Variants in TSHZ1 observed in about 807,000 individuals in gnomAD.
The protein encoded by TSHZ1 is teashirt homolog 1.
A neutral mutation model predicts 67.1 loss-of-function variants in TSHZ1; 12 were observed. The ratio of observed to expected loss-of-function variants is 0.18; its 90% CI spans 0.11 to 0.29. The LOEUF is 0.29. Among genes scored for constraint, TSHZ1 ranks in the 10% least tolerant of loss-of-function variants. The probability of loss-of-function intolerance (pLI) is 1.00; values close to 1 mark genes in which losing one functional copy is unlikely to be tolerated. For missense variants in TSHZ1, 1,305 were observed against 1,413.9 expected (o/e 0.92, Z 1.23); for synonymous variants, 632 against 622.4 (o/e 1.02, Z -0.23).
rs141369230 is a variant in TSHZ1, at chr18:75,233,831, G to A, written c.40+21915G>A. 1.2e-4 allele frequency among the ~76,000 whole-genome samples: 18 copies of A among 152,258 alleles called. No homozygotes were observed. In the East Asian group the frequency reaches 3.5e-3, roughly 29 times the overall value. ...AGCACCTTTTTTCTAGCGAGCATCC[G>A]CACGCCCGGCTTGCACACTGTGGAG... On this transcript the variant is annotated intron_variant, in intron 1 of 1. Coordinates refer to ENST00000580243, the MANE Select transcript of TSHZ1 (RefSeq NM_001308210.2).
At chr18:75,284,421 T>C (rs1011700144) in intron 1 of TSHZ1, 1 of 152,422 alleles carries the variant, frequency 6.6e-6, no homozygotes, top group African/African-American at 2.4e-5. Context: ...ATATTTATAA[T>C]GTATAAGTGA....
intron 1 of TSHZ1, among the ~76,000 whole-genome samples, chr18:75,244,922 G>A (rs959338286): frequency 5.3e-5 from 8 of 152,042 alleles, no homozygotes; most frequent in Non-Finnish European, 1.2e-4. Flanking sequence ...ATATGTGAAC[G>A]TTTGTCTCTT....
At chr18:75,266,242 C>T (rs911575653) in intron 1 of TSHZ1, among the ~76,000 whole-genome samples, 6 of 152,222 alleles carry the variant, frequency 3.9e-5, no homozygotes, top group African/African-American at 1.4e-4. Context: ...GTCAACTCAT[C>T]TGTTCTAGAG....
intron 1 of TSHZ1, among the ~76,000 whole-genome samples, chr18:75,224,153 C>T (rs538855299): frequency 2.0e-5 from 3 of 149,492 alleles, no homozygotes; most frequent in Admixed American, 6.7e-5. Flanking sequence ...CTTATTGGAA[C>T]GCTTTCATGT....
At chr18:75,284,978 G>A (rs2023732550) in intron 1 of TSHZ1, 1 of 152,916 alleles carries the variant, frequency 6.5e-6, no homozygotes, top group Non-Finnish European at 1.5e-5. Flanking sequence ...ATTGAGGAGT[G>A]TTTTTACTTA....
intron 1 of TSHZ1, among the ~76,000 whole-genome samples, chr18:75,259,251 C>G (rs2023400791): frequency 6.6e-6 from 1 of 152,204 alleles, no homozygotes. Flanking sequence ...GCAGACTCTC[C>G]AAGGTGTGGC....
At chr18:75,258,239 T>C (rs952635805) in intron 1 of TSHZ1, among the ~76,000 whole-genome samples, 4 of 152,232 alleles carry the variant, frequency 2.6e-5, no homozygotes, top group Admixed American at 1.3e-4. Flanking sequence ...TGGTACCCAC[T>C]GTCAGGGTGC....
At chr18:75,275,521 G>A (rs1487142717) in intron 1 of TSHZ1, among the ~76,000 whole-genome samples, 1 of 152,128 alleles carries the variant, frequency 6.6e-6, no homozygotes, top group Non-Finnish European at 1.5e-5. Context: ...CATTTGAAGA[G>A]GTATGCCATG....
chr18:75,253,592 G>C (rs955593514), intron 1 of TSHZ1, among the ~76,000 whole-genome samples: 4 of 152,330 alleles, frequency 2.6e-5, no homozygotes, highest in East Asian at 1.9e-4. Context: ...ATTTACCCTG[G>C]AAAAGGAAAC....
intron 1 of TSHZ1, among the ~76,000 whole-genome samples, chr18:75,244,878 G>A (rs2023203577): frequency 6.6e-6 from 1 of 152,112 alleles, no homozygotes; most frequent in Admixed American, 6.5e-5. Context: ...CCGTTTGACC[G>A]AATTCCTTTC....
intron 1 of TSHZ1, among the ~76,000 whole-genome samples, chr18:75,262,257 G>A (rs1568363144): frequency 6.6e-6 from 1 of 152,160 alleles, no homozygotes; most frequent in African/African-American, 2.4e-5. Context: ...TTCCCCTTTA[G>A]TGATACTATA....
intron 1 of TSHZ1, among the ~76,000 whole-genome samples, chr18:75,225,810 A>G (rs965212857): frequency 3.9e-5 from 6 of 152,088 alleles, no homozygotes; most frequent in Non-Finnish European, 8.8e-5. Flanking sequence ...ACATTTTTTG[A>G]GAGTAGCTTC....
At chr18:75,276,638 C>G (rs1430237330) in intron 1 of TSHZ1, among the ~76,000 whole-genome samples, 1 of 152,182 alleles carries the variant, frequency 6.6e-6, no homozygotes, top group African/African-American at 2.4e-5. Flanking sequence ...GGGGAGGCCC[C>G]TTTTGTGAAT....
At chr18:75,244,336 C>T (rs1383148652) in intron 1 of TSHZ1, among the ~76,000 whole-genome samples, 1 of 152,212 alleles carries the variant, frequency 6.6e-6, no homozygotes, top group Non-Finnish European at 1.5e-5. Flanking sequence ...CGATGGTTTC[C>T]GGTTCATTCT....
At position 75,278,585 on chromosome 18, in the gene TSHZ1, G is replaced by T. The variant is rs558221264; in HGVS notation, c.41-6863G>T. 2.0e-5 allele frequency among the ~76,000 whole-genome samples: 3 copies of T among 152,210 alleles called. No individual in the cohort carries two copies. The South Asian group carries it at 6.2e-4, about 32-fold the overall frequency. ...GTACGGGCCCTTGTTGGGGGCCTGT[G>T]GGGGCAGAAGAACCAGAAGACTCAG... On this transcript the variant is annotated intron_variant, in intron 1 of 1. Coordinates refer to ENST00000580243, the MANE Select transcript of TSHZ1 (RefSeq NM_001308210.2).
chr18:75,232,605 T>C (rs1419726019), intron 1 of TSHZ1, among the ~76,000 whole-genome samples: 1 of 152,198 alleles, frequency 6.6e-6, no homozygotes, highest in Non-Finnish European at 1.5e-5. Context: ...AAAGAGAGTT[T>C]TCTGATCTAG....
intron 1 of TSHZ1, among the ~76,000 whole-genome samples, chr18:75,241,863 T>A (rs1458163220): frequency 2.0e-5 from 3 of 150,228 alleles, no homozygotes; most frequent in Non-Finnish European, 4.4e-5. Context: ...TTGTGGTGCA[T>A]CACACCAGTC....
intron 1 of TSHZ1, among the ~76,000 whole-genome samples, chr18:75,234,490 A>G (rs540022524): frequency 1.3e-5 from 2 of 152,332 alleles, no homozygotes; most frequent in South Asian, 4.1e-4. Flanking sequence ...CCAAAATCTA[A>G]TAAGTCATAA....
At chr18:75,226,866 C>A (rs1349182073) in intron 1 of TSHZ1, among the ~76,000 whole-genome samples, 1 of 152,184 alleles carries the variant, frequency 6.6e-6, no homozygotes, top group East Asian at 1.9e-4. Context: ...ATGTTTCTGT[C>A]TTCAGAGCAT....
Sources: gnomAD v4.1 joint callset for allele counts (sites outside exome capture counted in the v4.1 genomes callset) on GRCh38, gnomAD v4.1.1 for gene constraint, MANE v1.5 for transcripts, NCBI Gene and HGNC (gene_info 2026-07-23, HGNC 2026-07-21) for gene names.